BLCAP: variants seen among roughly 807,000 people sequenced by gnomAD.
BLCAP encodes apoptosis inducing factor BLCAP.
In BLCAP, 1 loss-of-function variant was observed where a neutral mutation model predicts 5.7. That is an observed-to-expected ratio of 0.18 (90% confidence interval 0.06 to 0.83). The LOEUF (loss-of-function observed/expected upper bound fraction) is 0.83. Among genes scored for constraint, BLCAP ranks in the 40% least tolerant of loss-of-function variants. The probability of loss-of-function intolerance (pLI) is 0.71; values close to 1 mark genes in which losing one functional copy is unlikely to be tolerated. For synonymous variants in BLCAP, 48 were observed against 49.4 expected (o/e 0.97, Z 0.11); for missense variants, 66 against 107.6 (o/e 0.61, Z 1.71).
At chr20:37,525,746 T>C (rs2071707653) in intron 1 of BLCAP, among the ~76,000 whole-genome samples, 1 of 152,266 alleles carries the variant, frequency 6.6e-6, no homozygotes, top group Non-Finnish European at 1.5e-5. Flanking sequence ...AAACATTTTA[T>C]TCTGATAGAG....
At chr20:37,522,442 T>A in intron 1 of BLCAP, 3 of 1,613,188 alleles carry the variant, frequency 1.9e-6, no homozygotes, top group Non-Finnish European at 2.5e-6. Flanking sequence ...AAGTGAGGTA[T>A]ACCTAAGTTG....
chr20:37,521,747 G>A lies in BLCAP; in HGVS notation c.-176-2397C>T, dbSNP rs1326350819. On this transcript the variant is annotated intron_variant, in intron 1 of 1. Transcript: ENST00000373537. This position sits in a 1 kb window ranked among gnomAD's most constrained non-coding sequence, Gnocchi z 4.5. ...CAGGAGGGAGGCGGGGCACTACTGTGTTGAAAGACTTTACAGCTCGCAGAG... is the reference window on the plus strand; with the variant it reads ...CAGGAGGGAGGCGGGGCACTACTGTATTGAAAGACTTTACAGCTCGCAGAG... 1.3e-5 allele frequency: 3 copies of A among 230,894 alleles called. No homozygotes were observed. The highest frequency in any genetic ancestry group is 4.5e-5 in the African/African-American group (2 of 44,110). The allele number at this position is 230,894 out of a possible 1,614,324, so 14.3% of individuals were successfully genotyped here.
In BLCAP at chr20:37,521,737, GC is replaced by G. The variant is rs2071583127; in HGVS notation, c.-176-2388del. 1.0e-5 allele frequency: 3 copies of G among 290,884 alleles called. No homozygotes were observed. Among genetic ancestry groups the G allele is most frequent in the Non-Finnish European group, 2.0e-5 (3 of 152,612 alleles). The allele number at this position is 290,884 out of a possible 1,614,324, so 18.0% of individuals were successfully genotyped here. A position where few individuals can be genotyped will look rare whatever the true frequency, so the allele number is the denominator to read the frequency against. On this transcript the variant is annotated intron_variant, in intron 1 of 1. Coordinates refer to ENST00000373537, the MANE Select transcript of BLCAP (RefSeq NM_006698.4). The surrounding 1 kb of genome is among the most constrained non-coding windows in gnomAD (Gnocchi z 4.5). ...GACTCGACCCCAGGAGGGAGGCGGG[GC>G]ACTACTGTGTTGAAAGACTTTACAG...
At chr20:37,522,390 A>G in intron 1 of BLCAP, 1 of 1,614,046 alleles carries the variant, frequency 6.2e-7, no homozygotes, top group Non-Finnish European at 8.5e-7. Flanking sequence ...ACTGGGTAGG[A>G]TTCGCTTTTC....
Position 37,522,425 on chromosome 20 carries a change from T to C in BLCAP, c.-176-3075A>G, listed in dbSNP as rs974301223. On this transcript the variant is annotated intron_variant, in intron 1 of 1. Transcript: ENST00000373537. ...CGAAATCCTCCAGGGACACAGCCCA[T>C]TGCGAGAAGTGAGGTATACCTAAGT... is the stretch of plus-strand genomic sequence containing the variant. 5 of 1,613,712 alleles carry C rather than the reference T, an allele frequency of 3.1e-6. No homozygotes were observed. In the African/African-American group the frequency reaches 6.7e-5, roughly 22 times the overall value.
At position 37,517,901 on chromosome 20, in the gene BLCAP, T is replaced by C. The variant is rs1460648145; in HGVS notation, c.*1010A>G. On this transcript the variant is annotated 3_prime_UTR_variant, in exon 2 of 2. Transcript: ENST00000373537. ...AAACTGTAGCGGCACCTACCATATA[T>C]AGCTAGCTATTGCTAAACCTCAAAA... 2 of 152,664 alleles carry C rather than the reference T, an allele frequency of 1.3e-5. No individual in the cohort carries two copies. Among genetic ancestry groups the C allele is most frequent in the African/African-American group, 4.8e-5 (2 of 41,456 alleles). 9.5% of individuals were successfully genotyped at this position (152,664 alleles called of 1,614,324 possible).
chr20:37,524,318 C>T (rs2147194555), intron 1 of BLCAP: 1 of 152,478 alleles, frequency 6.6e-6, no homozygotes, highest in Non-Finnish European at 1.5e-5. Flanking sequence ...AACCTCTCTC[C>T]CCAATACTGG....
At chr20:37,519,404 C>CAAAAAAAAAAAAAA (rs543149253) in intron 1 of BLCAP, 54 bp from the exon 2 acceptor site, 3 of 42,958 alleles carry the variant, frequency 7.0e-5, no homozygotes, top group Admixed American at 2.8e-4. Context: ...GACAGACAGA[C>CAAAAAAAAAAAAAA]AAAAAAAAAA....
intron 1 of BLCAP, chr20:37,522,551 A>T: frequency 1.9e-6 from 2 of 1,043,734 alleles, no homozygotes; most frequent in Admixed American, 2.8e-5. Context: ...CCGCCTCTCC[A>T]GCCTACGCTG....
Position 37,521,155 on chromosome 20 carries a change from C to T in BLCAP, c.-176-1805G>A. 1.5e-6 allele frequency: 1 copy of T among 675,824 alleles called. No homozygotes were observed. The highest frequency in any genetic ancestry group is 2.7e-6 in the Non-Finnish European group (1 of 376,824). 41.9% of individuals were successfully genotyped at this position (675,824 alleles called of 1,614,324 possible). A position where few individuals can be genotyped will look rare whatever the true frequency, so the allele number is the denominator to read the frequency against. On this transcript the variant is annotated intron_variant, in intron 1 of 1. Transcript: ENST00000373537. This position sits in a 1 kb window ranked among gnomAD's most constrained non-coding sequence, Gnocchi z 4.5. ...TTCCTCTCCTGGCGAATGAGGAGCG[C>T]CCCCAGCCACCCCTCCTCATAAACA...
chr20:37,518,627 C>CGCCGT lies in BLCAP; in HGVS notation c.*283_*284insACGGC. 1 of 425,316 alleles carries CGCCGT rather than the reference C, an allele frequency of 2.4e-6. No homozygotes were observed. Among genetic ancestry groups the CGCCGT allele is most frequent in the Admixed American group, 3.9e-5 (1 of 25,348 alleles). The allele number at this position is 425,316 out of a possible 1,614,324, so 26.3% of individuals were successfully genotyped here. A position where few individuals can be genotyped will look rare whatever the true frequency, so the allele number is the denominator to read the frequency against. The stretch of plus-strand genomic sequence containing the variant: ...CTGACCAGGATGGACCCAGACTCCT[C>CGCCGT]ACAGTAATGAGGCGAGAGGGGTGGT... On this transcript the variant is annotated 3_prime_UTR_variant, in exon 2 of 2. Transcript: ENST00000373537.
At chr20:37,522,750 C>A in intron 1 of BLCAP, 1 of 1,603,404 alleles carries the variant, frequency 6.2e-7, no homozygotes, top group African/African-American at 1.3e-5. Flanking sequence ...GGCAGCGAGC[C>A]CCCAACTGAG....
In BLCAP at chr20:37,517,545, C is replaced by T. The variant is rs1274442495; in HGVS notation, c.*1366G>A. ...ACAGTCCCATTCCCTAGATGGACTG[C>T]CTCCAGTTCTGTTCTCTGCCTGGCC... On this transcript the variant is annotated 3_prime_UTR_variant, in exon 2 of 2. Transcript: ENST00000373537. 6.6e-6 allele frequency: 1 copy of T among 152,528 alleles called. No individual in the cohort carries two copies. The highest frequency in any genetic ancestry group is 2.4e-5 in the African/African-American group (1 of 41,442). 9.4% of individuals were successfully genotyped at this position (152,528 alleles called of 1,614,324 possible).
chr20:37,525,055 G>T (rs1327176965), intron 1 of BLCAP, among the ~76,000 whole-genome samples: 1 of 152,190 alleles, frequency 6.6e-6, no homozygotes, highest in Non-Finnish European at 1.5e-5. Context: ...ACCATAGCCT[G>T]AAGGTGAGGC....
chr20:37,522,815 G>C, intron 1 of BLCAP: 1 of 1,471,812 alleles, frequency 6.8e-7, no homozygotes. Flanking sequence ...GTGCATCTCG[G>C]CCAGCACGGG....
chr20:37,522,126 G>A (rs2147189817), intron 1 of BLCAP, among the ~76,000 whole-genome samples: 1 of 136,562 alleles, frequency 7.3e-6, no homozygotes, highest in East Asian at 2.0e-4. Context: ...AAAGCCCCTC[G>A]AGAGAAAAAT....
chr20:37,519,404 C>CAAAAAAAAAAA (rs543149253), intron 1 of BLCAP, 54 bp from the exon 2 acceptor site: 19 of 42,962 alleles, frequency 4.4e-4, no homozygotes, highest in African/African-American at 7.0e-4. Flanking sequence ...GACAGACAGA[C>CAAAAAAAAAAA]AAAAAAAAAA....
chr20:37,521,167 C>G lies in BLCAP; in HGVS notation c.-176-1817G>C, dbSNP rs1311858728. ...CGAATGAGGAGCGCCCCCAGCCACCCCTCCTCATAAACACCCCCCAAGGCG... is the reference window on the plus strand; with the variant it reads ...CGAATGAGGAGCGCCCCCAGCCACCGCTCCTCATAAACACCCCCCAAGGCG... On this transcript the variant is annotated intron_variant, in intron 1 of 1. Coordinates refer to ENST00000373537, the MANE Select transcript of BLCAP (RefSeq NM_006698.4). The surrounding 1 kb of genome is among the most constrained non-coding windows in gnomAD (Gnocchi z 4.5). The G allele has an allele frequency of 2.9e-6, 2 of 698,954 alleles. No homozygotes were observed. Among genetic ancestry groups the G allele is most frequent in the Non-Finnish European group, 5.1e-6 (2 of 391,998 alleles). The allele number at this position is 698,954 out of a possible 1,614,324, so 43.3% of individuals were successfully genotyped here.
chr20:37,524,948 A>C (rs1295722213), intron 1 of BLCAP, among the ~76,000 whole-genome samples: 2 of 152,202 alleles, frequency 1.3e-5, no homozygotes, highest in African/African-American at 4.8e-5. Context: ...AACACGCTAG[A>C]AACTGCCATA....
Sources: gnomAD v4.1 joint callset for allele counts (sites outside exome capture counted in the v4.1 genomes callset) on GRCh38, gnomAD v4.1.1 for gene constraint, Gnocchi (gnomAD v3.1) non-coding constraint, MANE v1.5 for transcripts, NCBI Gene and HGNC (gene_info 2026-07-23, HGNC 2026-07-21) for gene names.